Variants in RGP1 observed in about 807,000 individuals in gnomAD.
RGP1 encodes RAB6A-GEF complex partner protein 2.
Under a neutral mutation model 44.5 loss-of-function variants are expected in RGP1, and 28 were observed. The observed-to-expected ratio is 0.63, with a 90% CI of 0.47 to 0.86. The LOEUF (loss-of-function observed/expected upper bound fraction) is 0.86. RGP1 is among the 40% of genes least tolerant of loss of function. The probability of loss-of-function intolerance (pLI) is 0.00; values close to 1 mark genes in which losing one functional copy is unlikely to be tolerated. For missense variants in RGP1, 417 were observed against 490.7 expected, an observed-to-expected ratio of 0.85 and a Z score of 1.42; for synonymous variants, 212 against 196.7, an observed-to-expected ratio of 1.08 and a Z score of -0.65.
rs919545493 is a variant in RGP1, at chr9:35,756,874, G to A, written c.*4000G>A. 3 of 152,692 alleles carry A rather than the reference G, an allele frequency of 2.0e-5. No individual in the cohort carries two copies. Among genetic ancestry groups the A allele is most frequent in the African/African-American group, 7.2e-5 (3 of 41,470 alleles). 9.5% of individuals were successfully genotyped at this position (152,692 alleles called of 1,614,324 possible). ...TAACGAAGATGAGGTAGGCATATAG[G>A]GGCTTCTGGAAAGCTAGAGGCTGGG... is the stretch of plus-strand genomic sequence containing the variant. On this transcript the variant is annotated 3_prime_UTR_variant, in exon 9 of 9. Coordinates refer to ENST00000378078, the MANE Select transcript of RGP1 (RefSeq NM_001080496.3).
the RGP1 span, among the ~76,000 whole-genome samples, chr9:35,782,074 C>G: frequency 1.1e-4 from 17 of 149,792 alleles, no homozygotes; most frequent in East Asian, 2.3e-3. Context: ...GCAACCTCCC[C>G]CTCCCGGGTT....
At chr9:35,761,349 C>T (rs1827414826), downstream of RGP1, among the ~76,000 whole-genome samples, 1 of 152,208 alleles carries the variant, frequency 6.6e-6, no homozygotes, top group South Asian at 2.1e-4. Context: ...TTCTAGTACA[C>T]TGGAAGCAGC....
At chr9:35,763,881 C>CAAAAAAAAAAAAA in the RGP1 span, among the ~76,000 whole-genome samples, 1 of 81,986 alleles carries the variant, frequency 1.2e-5, no homozygotes, top group Non-Finnish European at 2.2e-5. Context: ...GACTCCATCT[C>CAAAAAAAAAAAAA]AAAAAAAAAA....
chr9:35,786,240 C>T, the RGP1 span, among the ~76,000 whole-genome samples: 1 of 152,214 alleles, frequency 6.6e-6, no homozygotes, highest in Non-Finnish European at 1.5e-5. Flanking sequence ...GGCAAGGGGA[C>T]ACCTTTCCCT....
the RGP1 span, among the ~76,000 whole-genome samples, chr9:35,786,992 C>T: frequency 6.6e-6 from 1 of 150,568 alleles, no homozygotes; most frequent in Admixed American, 6.6e-5. Flanking sequence ...TCCAGCTACT[C>T]GGGAGGCTGA....
At chr9:35,769,335 T>G in the RGP1 span, among the ~76,000 whole-genome samples, 3 of 152,236 alleles carry the variant, frequency 2.0e-5, no homozygotes, top group African/African-American at 7.2e-5. Context: ...TTATCTCTCC[T>G]CACCCTGAGG....
the RGP1 span, among the ~76,000 whole-genome samples, chr9:35,785,897 C>G: frequency 6.6e-6 from 1 of 152,188 alleles, no homozygotes; most frequent in South Asian, 2.1e-4. Flanking sequence ...CTCTCCATTA[C>G]TATCCCATCA....
At position 35,753,064 on chromosome 9, in the gene RGP1, G is replaced by T; in HGVS notation, c.*190G>T. 6.2e-7 allele frequency: 1 copy of T among 1,605,086 alleles called. No individual in the cohort carries two copies. The highest frequency in any genetic ancestry group is 8.5e-7 in the Non-Finnish European group (1 of 1,173,366). Reference sequence around the variant, plus strand: ...AGTGGTTTCCCTGGAAGTGGCAGCAGCAGTGAGCAGTCAGCAGATGGATGA... The same window carrying T: ...AGTGGTTTCCCTGGAAGTGGCAGCATCAGTGAGCAGTCAGCAGATGGATGA... On this transcript the variant is annotated 3_prime_UTR_variant, in exon 9 of 9. Transcript: ENST00000378078. This position sits in a 1 kb window ranked among gnomAD's most constrained non-coding sequence, Gnocchi z 4.2.
At chr9:35,788,007 C>T in the RGP1 span, among the ~76,000 whole-genome samples, 1 of 152,114 alleles carries the variant, frequency 6.6e-6, no homozygotes, top group Non-Finnish European at 1.5e-5. Context: ...TAGAACAAAC[C>T]TGAGGATCCA....
chr9:35,782,810 AT>A, the RGP1 span, among the ~76,000 whole-genome samples: 1,400 of 128,868 alleles, frequency 0.011, 11 homozygotes, highest in African/African-American at 0.031. Flanking sequence ...AAGTTACTTA[AT>A]TTTTTTTTTT....
At chr9:35,780,800 G>A in the RGP1 span, among the ~76,000 whole-genome samples, 5 of 152,140 alleles carry the variant, frequency 3.3e-5, no homozygotes, top group South Asian at 6.2e-4. Flanking sequence ...GCTGAAGTGG[G>A]AGGATTGATT....
At chr9:35,758,904 A>C (rs138526824), downstream of RGP1, among the ~76,000 whole-genome samples, 12 of 152,062 alleles carry the variant, frequency 7.9e-5, no homozygotes, top group East Asian at 1.9e-3. Context: ...CTCTTTAGTA[A>C]GACCTCAGGT....
chr9:35,765,781 C>G, the RGP1 span, among the ~76,000 whole-genome samples: 2 of 151,778 alleles, frequency 1.3e-5, no homozygotes, highest in Non-Finnish European at 2.9e-5. Flanking sequence ...TATGAGAGTT[C>G]CAGTTGCTTT....
At chr9:35,760,221 T>C (rs1827406964), downstream of RGP1, among the ~76,000 whole-genome samples, 1 of 152,164 alleles carries the variant, frequency 6.6e-6, no homozygotes, top group Non-Finnish European at 1.5e-5. Context: ...CTAAACTGTG[T>C]AGCACTGATT....
downstream of RGP1, among the ~76,000 whole-genome samples, chr9:35,760,813 G>T (rs1466305580): frequency 6.6e-6 from 1 of 152,204 alleles, no homozygotes; most frequent in Non-Finnish European, 1.5e-5. Context: ...TCTTCCTGGT[G>T]TTCCAGCTTT....
chr9:35,759,320 T>C (rs923849645), downstream of RGP1, among the ~76,000 whole-genome samples: 1 of 152,022 alleles, frequency 6.6e-6, no homozygotes, highest in Middle Eastern at 3.2e-3. Context: ...ATCCCAACAT[T>C]TGGGGAGGCC....
chr9:35,771,257 A>G, the RGP1 span, among the ~76,000 whole-genome samples: 1 of 152,178 alleles, frequency 6.6e-6, no homozygotes, highest in East Asian at 1.9e-4. Flanking sequence ...ACTGTCCTAA[A>G]AAGCAGTCAG....
intron 4 of RGP1, 43 bp from the exon 5 acceptor site, chr9:35,750,797 C>T (rs769032714): frequency 6.8e-6 from 11 of 1,613,836 alleles, no homozygotes; most frequent in East Asian, 4.5e-5. Flanking sequence ...AGGGAGGACT[C>T]CTCTGGTGCC....
chr9:35,785,412 C>G, the RGP1 span, among the ~76,000 whole-genome samples: 2 of 143,868 alleles, frequency 1.4e-5, no homozygotes, highest in African/African-American at 5.3e-5. Context: ...TCATCTGGAG[C>G]AGCTGGGCTT....
Sources: allele counts gnomAD v4.1 joint callset (sites outside exome capture counted in the v4.1 genomes callset), GRCh38; gene constraint gnomAD v4.1.1; non-coding constraint Gnocchi (gnomAD v3.1); transcripts MANE v1.5; gene names NCBI Gene and HGNC (gene_info 2026-07-23, HGNC 2026-07-21).